The following ATF6 variants were observed in gnomAD, a reference collection of about 807,000 sequenced individuals.
ATF6 encodes the protein activating transcription factor 6, also known as cyclic AMP-dependent transcription factor ATF-6 alpha.
A neutral mutation model predicts 83.6 loss-of-function variants in ATF6; 53 were observed. The ratio of observed to expected loss-of-function variants is 0.63; its 90% CI spans 0.51 to 0.80. The LOEUF (loss-of-function observed/expected upper bound fraction) is 0.80. ATF6 is among the 30% of genes least tolerant of loss of function. The probability of loss-of-function intolerance (pLI) is 0.00; values close to 1 mark genes in which losing one functional copy is unlikely to be tolerated. For synonymous variants in ATF6, 288 were observed against 285.8 expected, an observed-to-expected ratio of 1.01 and a Z score of -0.08; for missense variants, 744 against 797.9, an observed-to-expected ratio of 0.93 and a Z score of 0.81.
intron 1 of ATF6, among the ~76,000 whole-genome samples, chr1:161,768,233 A>C (rs964917580): frequency 4.6e-5 from 7 of 152,162 alleles, no homozygotes; most frequent in African/African-American, 1.4e-4. Flanking sequence ...CCCAGGCTGC[A>C]TTTTCCAGAC....
chr1:161,868,249 T>C (rs1017712460), intron 14 of ATF6, among the ~76,000 whole-genome samples: 1 of 152,190 alleles, frequency 6.6e-6, no homozygotes, highest in African/African-American at 2.4e-5. Context: ...CGCAGAGAAT[T>C]ACTATGGCAG....
chr1:161,816,706 A>G (rs1423464043), intron 7 of ATF6, among the ~76,000 whole-genome samples: 1 of 152,214 alleles, frequency 6.6e-6, no homozygotes, highest in Admixed American at 6.5e-5. Context: ...TGCATGTCAA[A>G]GGTCATTTTG....
chr1:161,818,625 G>GA (rs1318010201), intron 7 of ATF6, among the ~76,000 whole-genome samples: 1 of 152,158 alleles, frequency 6.6e-6, no homozygotes, highest in African/African-American at 2.4e-5. Flanking sequence ...ATGGACCTTG[G>GA]AATTAGGTTA....
intron 15 of ATF6, among the ~76,000 whole-genome samples, chr1:161,921,118 A>T (rs574374691): frequency 2.0e-5 from 3 of 152,298 alleles, no homozygotes; most frequent in African/African-American, 7.2e-5. Flanking sequence ...GTGTTGAGTC[A>T]ACAACTTAAG....
chr1:161,804,869 T>A (rs1685241147), intron 7 of ATF6, among the ~76,000 whole-genome samples: 1 of 152,108 alleles, frequency 6.6e-6, no homozygotes, highest in African/African-American at 2.4e-5. Context: ...GCTTTTGTAC[T>A]CTTAAGGGGG....
chr1:161,947,603 T>A (rs546539190), intron 15 of ATF6, among the ~76,000 whole-genome samples: 15 of 152,248 alleles, frequency 9.9e-5, no homozygotes, highest in African/African-American at 3.4e-4. Context: ...CTTGTCTATG[T>A]CCATTTTATA....
chr1:161,872,651 G>A (rs370221502), intron 14 of ATF6, among the ~76,000 whole-genome samples: 19 of 151,686 alleles, frequency 1.3e-4, no homozygotes, highest in African/African-American at 4.6e-4. Context: ...GGTATCAGAT[G>A]TTATAGCGCT....
chr1:161,808,639 C>G (rs909778147), intron 7 of ATF6, among the ~76,000 whole-genome samples: 2 of 152,068 alleles, frequency 1.3e-5, no homozygotes, highest in African/African-American at 2.4e-5. Context: ...GTGGCATGAT[C>G]ATAGCTCACT....
At chr1:161,938,212 G>A (rs1688576235) in intron 15 of ATF6, among the ~76,000 whole-genome samples, 1 of 152,084 alleles carries the variant, frequency 6.6e-6, no homozygotes, top group South Asian at 2.1e-4. Context: ...TCTTCCTTCT[G>A]CTCTCATTTT....
chr1:161,826,039 A>G (rs968842842), intron 9 of ATF6, among the ~76,000 whole-genome samples: 2 of 152,232 alleles, frequency 1.3e-5, no homozygotes, highest in Non-Finnish European at 2.9e-5. Context: ...CAGGAACCAG[A>G]ATAAAAACCA....
intron 9 of ATF6, among the ~76,000 whole-genome samples, chr1:161,837,573 C>T (rs534656106): frequency 2.7e-4 from 41 of 151,988 alleles, no homozygotes; most frequent in African/African-American, 9.7e-4. Flanking sequence ...CCCAGAATTC[C>T]CAATAAAGCA....
intron 14 of ATF6, among the ~76,000 whole-genome samples, chr1:161,910,563 A>G (rs1338547756): frequency 6.6e-6 from 1 of 152,228 alleles, no homozygotes; most frequent in Non-Finnish European, 1.5e-5. Flanking sequence ...CAGGAAACTC[A>G]GAATTAAGTC....
At chr1:161,799,571 C>G (rs551594417) in intron 6 of ATF6, among the ~76,000 whole-genome samples, 3 of 152,126 alleles carry the variant, frequency 2.0e-5, no homozygotes, top group South Asian at 2.1e-4. Context: ...CTGTCTACCC[C>G]CTGAACCTAA....
intron 14 of ATF6, among the ~76,000 whole-genome samples, chr1:161,870,942 A>G (rs560317427): frequency 1.3e-5 from 2 of 151,822 alleles, no homozygotes; most frequent in South Asian, 2.1e-4. Flanking sequence ...TGTGTTTTTC[A>G]TATGCATTTG....
intron 4 of ATF6, among the ~76,000 whole-genome samples, chr1:161,786,479 T>C (rs1252266996): frequency 1.3e-5 from 2 of 152,226 alleles, no homozygotes; most frequent in African/African-American, 4.8e-5. Context: ...AGCCAAATTA[T>C]TGATCTTTTC....
At chr1:161,783,554 A>T (rs1046615509) in intron 3 of ATF6, among the ~76,000 whole-genome samples, 16 of 152,028 alleles carry the variant, frequency 1.1e-4, no homozygotes, top group Non-Finnish European at 2.2e-4. Flanking sequence ...TTATTTTTTT[A>T]AATTTTTTGG....
chr1:161,907,325 G>T (rs1687895764), intron 14 of ATF6, among the ~76,000 whole-genome samples: 1 of 152,188 alleles, frequency 6.6e-6, no homozygotes, highest in African/African-American at 2.4e-5. Context: ...ATACAAAGCT[G>T]TTTTTGAAAT....
intron 13 of ATF6, 51 bp from the exon 14 acceptor site, chr1:161,863,147 A>G (rs749299502): frequency 8.7e-7 from 1 of 1,147,754 alleles, no homozygotes; most frequent in South Asian, 1.5e-5. Flanking sequence ...GTATTTTGGG[A>G]AAACAGGAAA....
chr1:161,834,735 C>A (rs1175213501), intron 9 of ATF6, among the ~76,000 whole-genome samples: 1 of 151,910 alleles, frequency 6.6e-6, no homozygotes, highest in East Asian at 1.9e-4. Context: ...TGTAACAAAC[C>A]TGCACGTTGT....
Sources: allele counts gnomAD v4.1 joint callset (sites outside exome capture counted in the v4.1 genomes callset), GRCh38; gene constraint gnomAD v4.1.1; transcripts MANE v1.5; gene names NCBI Gene and HGNC (gene_info 2026-07-23, HGNC 2026-07-21).